Variants in PDE6B observed in about 807,000 individuals in gnomAD.
PDE6B encodes phosphodiesterase 6B.
PDE6B carries 106 observed loss-of-function variants against 109.0 expected under a neutral mutation model. The observed-to-expected ratio is 0.97, with a 90% confidence interval of 0.83 to 1.14. The LOEUF is 1.14. PDE6B is among the 50% of genes most tolerant of loss of function. PDE6B has a pLI of 0.00. For synonymous variants in PDE6B, 490 were observed against 471.3 expected (o/e 1.04, Z -0.51); for missense variants, 1,193 against 1,155.6 (o/e 1.03, Z -0.47).
rs111679415 is a variant in PDE6B, at chr4:648,076, GA to G, written c.712-5766del. Among the ~76,000 whole-genome samples, 9 of 147,414 alleles carry G rather than the reference GA, an allele frequency of 6.1e-5. No homozygotes were observed. The highest frequency in any genetic ancestry group is 1.4e-4 in the Admixed American group (2 of 14,806). On this transcript the variant is annotated intron_variant, in intron 3 of 21. Coordinates refer to ENST00000496514, the MANE Select transcript of PDE6B (RefSeq NM_000283.4). The surrounding 1 kb of genome is among the most constrained non-coding windows in gnomAD (Gnocchi z 4.5). ...GGCAACAAGAGCAAAACTCCATCTC[GA>G]AAAAAAAAAGAAAGAAAGAGCCAAG...
chr4:654,454 G>A (rs1735951456), intron 5 of PDE6B: 1 of 608,756 alleles, frequency 1.6e-6, no homozygotes, highest in Non-Finnish European at 3.0e-6. Flanking sequence ...CTGTGCACGT[G>A]TAGGATGCGT....
rs745873899 is a variant in PDE6B, at chr4:665,326, C to T, written c.2265C>T (p.Pro755=). ...DLERTVLDQQ[P]IPMMDRNKAA... is the part of the protein sequence containing the mutation. ...AAAGGACAGTCTTGGATCAGCAGCC[C>T]ATTGTGAGTGCTGCTTCTGGAACCT... The change falls in exon 19 of 22, where the codon CCC becomes CCT. Residue 755 remains proline, a synonymous_variant. Transcript: ENST00000496514. This position sits in a 1 kb window ranked among gnomAD's most constrained non-coding sequence, Gnocchi z 4.0. The T allele has an allele frequency of 3.1e-6, 5 of 1,606,496 alleles. No homozygotes were observed. In the South Asian group the frequency reaches 3.3e-5, roughly 11 times the overall value.
At chr4:653,263 C>G (rs1418247101) in intron 3 of PDE6B, 46 of 1,013,914 alleles carry the variant, frequency 4.5e-5, no homozygotes, top group Non-Finnish European at 5.3e-5. Context: ...CTGGTGGGGC[C>G]TGGGTCTGGG....
In PDE6B at chr4:662,071, G is replaced by A; in HGVS notation, c.1615-63G>A. On this transcript the variant is annotated intron_variant, in intron 12 of 21. Transcript: ENST00000496514. The surrounding 1 kb of genome is among the most constrained non-coding windows in gnomAD (Gnocchi z 4.3). ...GCTTCCACTGTGAAGTCAGCCACAG[G>A]TGCCGCTCTGGCGGGACTTACACGC... 1.3e-6 allele frequency: 1 copy of A among 787,416 alleles called. No homozygotes were observed. Among genetic ancestry groups the A allele is most frequent in the Non-Finnish European group, 2.2e-6 (1 of 450,078 alleles). The allele number at this position is 787,416 out of a possible 1,614,324, so 48.8% of individuals were successfully genotyped here.
intron 2 of PDE6B, 101 bp downstream of exon 2, chr4:634,930 C>G: frequency 1.0e-6 from 1 of 977,532 alleles, no homozygotes; most frequent in South Asian, 1.3e-5. Flanking sequence ...CCTGCCTGCC[C>G]GCCTGCCCGT....
intron 3 of PDE6B, among the ~76,000 whole-genome samples, chr4:645,016 T>C (rs1328180775): frequency 6.6e-6 from 1 of 152,104 alleles, no homozygotes; most frequent in Non-Finnish European, 1.5e-5. Context: ...GATTTTTATG[T>C]CTTCATAGAG....
At chr4:659,852 T>C (rs1028900974) in intron 11 of PDE6B, among the ~76,000 whole-genome samples, 23 of 152,210 alleles carry the variant, frequency 1.5e-4, no homozygotes, top group African/African-American at 4.8e-4. Flanking sequence ...GTGGGGATTA[T>C]GTGGTGTCCC....
chr4:667,995 C>A lies in PDE6B; in HGVS notation c.2492C>A (p.Ala831Glu), dbSNP rs769435109. The change falls in exon 21 of 22, where the codon GCA (alanine) becomes GAA (glutamate). Residue 831 changes from alanine (A) to glutamate (E), a missense_variant. By Grantham distance (107) the Ala-to-Glu change is moderately radical. Transcript: ENST00000496514. ...GAGAAGGAGGAGGAGGAGAGGGTGG[C>A]AGCCAAGAAAGGTCTGGCTCTGTGT... ...LEEKEEEERVAAKKVGTEICN... is the reference protein window; with the variant it reads ...LEEKEEEERVEAKKVGTEICN... 7 of 1,611,990 alleles carry A rather than the reference C, an allele frequency of 4.3e-6. No homozygotes were observed. The Admixed American group carries it at 1.2e-4, about 27-fold the overall frequency.
rs1017447245 is a variant in PDE6B at position 654,069 on chromosome 4, T to C, written c.853-11T>C. On this transcript the variant is annotated splice_polypyrimidine_tract_variant and intron_variant, in intron 4 of 21. Transcript: ENST00000496514. Reference sequence around the variant, plus strand: ...CAGTGACCGCCCCACCCTCACCTCTTCTCTGCCCAGGAATTTTTTGACGTG... The same window carrying C: ...CAGTGACCGCCCCACCCTCACCTCTCCTCTGCCCAGGAATTTTTTGACGTG... 6.2e-7 allele frequency: 1 copy of C among 1,613,824 alleles called. No homozygotes were observed. Among genetic ancestry groups the C allele is most frequent in the Non-Finnish European group, 8.5e-7 (1 of 1,179,982 alleles).
At chr4:658,396 G>T (rs1438167618) in intron 10 of PDE6B, among the ~76,000 whole-genome samples, 1 of 147,836 alleles carries the variant, frequency 6.8e-6, no homozygotes, top group African/African-American at 2.5e-5. Context: ...GTCGTCCAGG[G>T]GTCACGGCTG....
rs77751621 is a variant in PDE6B, at chr4:668,193, C to T, written c.2503+187C>T. On this transcript the variant is annotated intron_variant, in intron 21 of 21. Transcript: ENST00000496514. ...GGGAGAGTGGCAGCTGACTCCACCT[C>T]GGTAGCAAACCCGGACTGAAAAATT... is the stretch of plus-strand genomic sequence containing the variant. Among the ~76,000 whole-genome samples the T allele has an allele frequency of 6.3e-3, 962 of 152,028 alleles. 11 individuals carry two copies. Among genetic ancestry groups the T allele is most frequent in the African/African-American group, 0.022 (910 of 41,394 alleles).
In PDE6B at chr4:662,491, G is replaced by A; in HGVS notation, c.1723-18G>A. Reference sequence around the variant, plus strand: ...GCTGGAGCCAGGACCGGTGAGCAAGGTGGCCCTGTCTCTACAGACCGGCAA... The same window carrying A: ...GCTGGAGCCAGGACCGGTGAGCAAGATGGCCCTGTCTCTACAGACCGGCAA... On this transcript the variant is annotated intron_variant, in intron 13 of 21. Transcript: ENST00000496514. This position sits in a 1 kb window ranked among gnomAD's most constrained non-coding sequence, Gnocchi z 4.3. The A allele has an allele frequency of 1.3e-6, 2 of 1,541,516 alleles. No homozygotes were observed. Among genetic ancestry groups the A allele is most frequent in the South Asian group, 1.1e-5 (1 of 89,674 alleles).
At chr4:634,884 C>T (rs112849920) in intron 2 of PDE6B, 55 bp downstream of exon 2, 24,353 of 1,487,034 alleles carry the variant, frequency 0.016, 280 homozygotes, top group Middle Eastern at 0.021. Context: ...CCTGCCTGCC[C>T]GCCCGCCTGT....
At chr4:664,779 C>G in intron 17 of PDE6B, 102 bp from the exon 18 acceptor site, 1 of 924,774 alleles carries the variant, frequency 1.1e-6, no homozygotes, top group Admixed American at 1.7e-5. Context: ...GCACTCCAGC[C>G]TGGGCAACAG....
intron 3 of PDE6B, among the ~76,000 whole-genome samples, chr4:651,292 G>A (rs981854753): frequency 6.6e-6 from 1 of 152,118 alleles, no homozygotes; most frequent in African/African-American, 2.4e-5. Flanking sequence ...GCCGTCACAG[G>A]CGGGGCAGGG....
Position 666,089 on chromosome 4 carries a change from C to T in PDE6B, c.2269-442C>T, listed in dbSNP as rs1384057478. 6.6e-6 allele frequency among the ~76,000 whole-genome samples: 1 copy of T among 152,158 alleles called. No homozygotes were observed. The highest frequency in any genetic ancestry group is 2.4e-5 in the African/African-American group (1 of 41,428). ...GTGAGGGGACGGACAGCCCAGGGCA[C>T]TCGGGGTCTGACACTAGAAACAGCT... On this transcript the variant is annotated intron_variant, in intron 19 of 21. Coordinates refer to ENST00000496514, the MANE Select transcript of PDE6B (RefSeq NM_000283.4). This position sits in a 1 kb window ranked among gnomAD's most constrained non-coding sequence, Gnocchi z 5.6.
intron 6 of PDE6B, chr4:655,103 G>C: frequency 3.3e-6 from 2 of 598,412 alleles, no homozygotes; most frequent in Non-Finnish European, 6.0e-6. Context: ...ATGGTGAGGA[G>C]GACGTGGGCT....
Position 644,139 on chromosome 4 carries a change from G to A in PDE6B, c.711+8170G>A, listed in dbSNP as rs183962251. Among the ~76,000 whole-genome samples, 617 of 151,634 alleles carry A rather than the reference G, an allele frequency of 4.1e-3. 10 individuals are homozygous for A. Among genetic ancestry groups the A allele is most frequent in the African/African-American group, 0.014 (575 of 41,160 alleles). On this transcript the variant is annotated intron_variant, in intron 3 of 21. Transcript: ENST00000496514. The stretch of plus-strand genomic sequence containing the variant: ...TCACCATGTTGGCCAGGATGGTCTC[G>A]ATCTCTCGACCTCGTGATCTGCCCG...
intron 21 of PDE6B, among the ~76,000 whole-genome samples, chr4:669,690 GCTATTCCCGCTACC>G (rs1738273398): frequency 1.8e-5 from 2 of 109,918 alleles, no homozygotes; most frequent in South Asian, 3.0e-4. Context: ...GCTACCCCAT[GCTATTCCCGCTACC>G]CCATGCTATT....
Sources: gnomAD v4.1 joint callset for allele counts (sites outside exome capture counted in the v4.1 genomes callset) on GRCh38, gnomAD v4.1.1 for gene constraint, Gnocchi (gnomAD v3.1) non-coding constraint, MANE v1.5 for transcripts, NCBI Gene and HGNC (gene_info 2026-07-23, HGNC 2026-07-21) for gene names.